Variants in NBEA observed in about 807,000 individuals in gnomAD.
NBEA encodes the protein lysosomal-trafficking regulator 2.
In NBEA, 44 loss-of-function variants were observed where a neutral mutation model predicts 343.4. The ratio of observed to expected loss-of-function variants is 0.13; its 90% CI spans 0.10 to 0.16. The LOEUF is 0.16. Ranked by LOEUF, NBEA falls within the 10% of genes least tolerant of loss-of-function variation. NBEA has a pLI of 1.00. For synonymous variants in NBEA, 1,175 were observed against 1,238.7 expected (o/e 0.95, Z 1.08); for missense variants, 2,555 against 3,631.3 (o/e 0.70, Z 7.62).
chr13:35,523,977 T>C (rs868183075), intron 41 of NBEA, among the ~76,000 whole-genome samples: 10 of 152,344 alleles, frequency 6.6e-5, no homozygotes, highest in Middle Eastern at 3.4e-3. Flanking sequence ...AAAACTTACA[T>C]TGGCTTTCTA....
intron 43 of NBEA, among the ~76,000 whole-genome samples, 168 bp from the exon 44 acceptor site, chr13:35,554,819 C>T (rs544680980): frequency 6.6e-6 from 1 of 152,214 alleles, no homozygotes; most frequent in South Asian, 2.1e-4. Flanking sequence ...ATAGAATTCT[C>T]AAATATTGCT....
chr13:35,471,518 G>A (rs185526098), intron 40 of NBEA, among the ~76,000 whole-genome samples: 7 of 152,338 alleles, frequency 4.6e-5, no homozygotes, highest in Admixed American at 2.0e-4. Flanking sequence ...CCAGGATTGC[G>A]AAGAATGGCT....
rs140526568 is a variant in NBEA, at chr13:35,562,317, T to C, written c.6923-4588T>C. The stretch of plus-strand genomic sequence containing the variant: ...ACTTTCAGTTCCCAAATTGACCTGA[T>C]TTCTGTTTGTTTTCTGAAAAATACA... On this transcript the variant is annotated intron_variant, in intron 44 of 58. Coordinates refer to ENST00000379939, the MANE Select transcript of NBEA (RefSeq NM_001385012.1). Among the ~76,000 whole-genome samples the C allele has an allele frequency of 6.6e-5, 10 of 152,234 alleles. No homozygotes were observed. In the East Asian group the frequency reaches 1.9e-3, roughly 29 times the overall value.
Position 35,150,220 on chromosome 13 carries a change from T to C in NBEA, c.2446-5554T>C, listed in dbSNP as rs555409126. Among the ~76,000 whole-genome samples, 3 of 152,376 alleles carry C rather than the reference T, an allele frequency of 2.0e-5. No individual in the cohort carries two copies. The South Asian group carries it at 6.2e-4, about 32-fold the overall frequency. ...ATAATTTTTTCAAGGACTTTGAGTTTATAATGAATGCATATTCTAAAAAGA... is the reference window on the plus strand; with the variant it reads ...ATAATTTTTTCAAGGACTTTGAGTTCATAATGAATGCATATTCTAAAAAGA... On this transcript the variant is annotated intron_variant, in intron 18 of 58. Transcript: ENST00000379939.
chr13:35,417,276 A>G (rs536909811), intron 38 of NBEA, among the ~76,000 whole-genome samples: 1 of 152,004 alleles, frequency 6.6e-6, no homozygotes, highest in Admixed American at 6.6e-5. Flanking sequence ...TCCTTCTGCT[A>G]GCTTTTGAAT....
Position 35,319,724 on chromosome 13 carries a change from C to CT in NBEA, c.5903+10133dup, listed in dbSNP as rs1268498598. Among the ~76,000 whole-genome samples the CT allele has an allele frequency of 8.5e-5, 13 of 152,272 alleles. No homozygotes were observed. The East Asian group carries it at 1.5e-3, about 18-fold the overall frequency. ...TCTCCCACTATTATTGCGTAGGAGT[C>CT]TAAGTCTCTTTGTAAGTCTCTAAGA... On this transcript the variant is annotated intron_variant, in intron 36 of 58. Coordinates refer to ENST00000379939, the MANE Select transcript of NBEA (RefSeq NM_001385012.1).
intron 1 of NBEA, among the ~76,000 whole-genome samples, chr13:35,026,116 G>C (rs1351263034): frequency 6.6e-6 from 1 of 152,066 alleles, no homozygotes; most frequent in East Asian, 1.9e-4. Context: ...TCATGATAGT[G>C]AGTGAGTCTT....
chr13:35,229,237 G>A (rs2074834914), intron 33 of NBEA, among the ~76,000 whole-genome samples: 1 of 152,168 alleles, frequency 6.6e-6, no homozygotes, highest in East Asian at 1.9e-4. Flanking sequence ...TCACCATGTT[G>A]CTCAGGCTGG....
intron 1 of NBEA, among the ~76,000 whole-genome samples, chr13:34,984,884 AT>A (rs2152510246): frequency 6.6e-6 from 1 of 151,032 alleles, no homozygotes; most frequent in African/African-American, 2.4e-5. Context: ...TTGCAGATTG[AT>A]TTTGTATCCT....
chr13:35,595,830 A>G (rs904983139), intron 47 of NBEA, among the ~76,000 whole-genome samples: 1 of 152,108 alleles, frequency 6.6e-6, no homozygotes, highest in African/African-American at 2.4e-5. Context: ...GTATTAAACA[A>G]TGGAACTTCT....
intron 33 of NBEA, among the ~76,000 whole-genome samples, chr13:35,213,365 A>G (rs1382790221): frequency 6.6e-6 from 1 of 152,032 alleles, no homozygotes; most frequent in African/African-American, 2.4e-5. Flanking sequence ...TTTAATAAAT[A>G]TTGAGTTGAG....
At chr13:35,361,587 CTAGGAGAAAACA>C (rs2040810055) in intron 38 of NBEA, among the ~76,000 whole-genome samples, 1 of 151,976 alleles carries the variant, frequency 6.6e-6, no homozygotes, top group Non-Finnish European at 1.5e-5. Flanking sequence ...CATAAAACTT[CTAGGAGAAAACA>C]TAGGAGAAAA....
intron 40 of NBEA, among the ~76,000 whole-genome samples, chr13:35,463,567 G>A (rs1594722746): frequency 6.6e-6 from 1 of 152,060 alleles, no homozygotes; most frequent in Non-Finnish European, 1.5e-5. Context: ...AGAGGTTACT[G>A]TGTGATGGCG....
chr13:35,567,664 ATG>A, intron 45 of NBEA, among the ~76,000 whole-genome samples: 1 of 152,342 alleles, frequency 6.6e-6, no homozygotes, highest in Non-Finnish European at 1.5e-5. Context: ...CTTAAAGTTT[ATG>A]TATGTTAGCC....
intron 41 of NBEA, among the ~76,000 whole-genome samples, chr13:35,536,995 C>G (rs147260971): frequency 6.6e-6 from 1 of 152,128 alleles, no homozygotes; most frequent in Non-Finnish European, 1.5e-5. Flanking sequence ...AAGTCAATAC[C>G]TGAACATGAT....
intron 1 of NBEA, among the ~76,000 whole-genome samples, chr13:34,996,470 G>GTA (rs2060944444): frequency 6.6e-6 from 1 of 151,830 alleles, no homozygotes; most frequent in Non-Finnish European, 1.5e-5. Flanking sequence ...GCGTTTGTGT[G>GTA]TGTGTGTGTG....
intron 10 of NBEA, among the ~76,000 whole-genome samples, chr13:35,084,954 C>A (rs1472027254): frequency 1.3e-5 from 2 of 152,120 alleles, no homozygotes; most frequent in Admixed American, 6.6e-5. Context: ...ACTATAAACA[C>A]CTCTATGCAA....
intron 38 of NBEA, among the ~76,000 whole-genome samples, chr13:35,410,507 G>GAT (rs1449829838): frequency 6.6e-6 from 1 of 152,056 alleles, no homozygotes; most frequent in Non-Finnish European, 1.5e-5. Context: ...AATGGCTTAA[G>GAT]ATATATATCA....
intron 33 of NBEA, among the ~76,000 whole-genome samples, chr13:35,214,926 A>G (rs757811555): frequency 6.6e-6 from 1 of 151,714 alleles, no homozygotes; most frequent in Non-Finnish European, 1.5e-5. Flanking sequence ...TTAATGTTTT[A>G]GTACCATTCA....
Sources: gnomAD v4.1 joint callset for allele counts (sites outside exome capture counted in the v4.1 genomes callset) on GRCh38, gnomAD v4.1.1 for gene constraint, MANE v1.5 for transcripts, NCBI Gene and HGNC (gene_info 2026-07-23, HGNC 2026-07-21) for gene names.